COL25A1: variants seen among roughly 807,000 people sequenced by gnomAD.
COL25A1 encodes the protein collagen type XXV alpha 1 chain, also known as collagen alpha-1(XXV) chain.
A neutral mutation model predicts 128.4 loss-of-function variants in COL25A1; 103 were observed. That is an observed-to-expected ratio of 0.80 (90% confidence interval 0.68 to 0.94). COL25A1 has a LOEUF of 0.94. COL25A1 is among the 40% of genes least tolerant of loss of function. The pLI, the probability that COL25A1 is intolerant of heterozygous loss-of-function variation, is 0.00. For synonymous variants in COL25A1, 279 were observed against 277.2 expected (o/e 1.01, Z -0.06); for missense variants, 745 against 840.0 (o/e 0.89, Z 1.40).
intron 20 of COL25A1, among the ~76,000 whole-genome samples, chr4:108,865,564 G>T (rs1245591866): frequency 6.6e-6 from 1 of 152,160 alleles, no homozygotes; most frequent in Admixed American, 6.5e-5. Context: ...CCATTACCCT[G>T]TTGAGTGAGA....
chr4:109,273,892 TA>T (rs990334316), intron 3 of COL25A1, among the ~76,000 whole-genome samples: 1 of 151,928 alleles, frequency 6.6e-6, no homozygotes, highest in South Asian at 2.1e-4. Context: ...TTATAAACTG[TA>T]AAAAAAATGA....
Position 108,944,951 on chromosome 4 carries a change from T to C in COL25A1, c.493-3514A>G, listed in dbSNP as rs1748550342. ...AAGGAATTTTTCAGGAGTTTACGTG[T>C]AGCAAAGTAAAAAGGGGACATGTGG... On this transcript the variant is annotated intron_variant, in intron 8 of 37. Transcript: ENST00000399132. Among the ~76,000 whole-genome samples, 3 of 152,182 alleles carry C rather than the reference T, an allele frequency of 2.0e-5. No individual in the cohort carries two copies. The South Asian group carries it at 6.2e-4, about 32-fold the overall frequency.
chr4:109,108,199 G>C (rs1302949804), intron 3 of COL25A1, among the ~76,000 whole-genome samples: 2 of 152,020 alleles, frequency 1.3e-5, no homozygotes, highest in Non-Finnish European at 2.9e-5. Flanking sequence ...CCCCACAACA[G>C]GCCCCGGTGT....
chr4:109,250,912 G>A (rs966137885), intron 3 of COL25A1, among the ~76,000 whole-genome samples: 5 of 152,034 alleles, frequency 3.3e-5, no homozygotes, highest in Non-Finnish European at 7.4e-5. Context: ...ACAATAACAA[G>A]GTTATAACTC....
intron 3 of COL25A1, among the ~76,000 whole-genome samples, chr4:109,083,445 TA>T (rs149485871): frequency 8.9e-5 from 9 of 100,758 alleles, no homozygotes; most frequent in South Asian, 3.3e-4. Context: ...TTACACTAAA[TA>T]AATTTTTTTT....
chr4:108,989,167 A>T (rs912895130), intron 6 of COL25A1, among the ~76,000 whole-genome samples: 17 of 152,224 alleles, frequency 1.1e-4, no homozygotes, highest in African/African-American at 3.9e-4. Flanking sequence ...TGGATCAGTT[A>T]GAGGAGGCTT....
intron 6 of COL25A1, among the ~76,000 whole-genome samples, chr4:109,006,378 ATTTTTTTTTTTTTT>A (rs56845799): frequency 1.9e-4 from 10 of 51,840 alleles, no homozygotes; most frequent in Admixed American, 3.7e-4. Context: ...CACCCAGCTA[ATTTTTTTTTTTTTT>A]TTTTTTTTTT....
intron 3 of COL25A1, among the ~76,000 whole-genome samples, chr4:109,123,690 T>C (rs1263119059): frequency 6.6e-6 from 1 of 152,154 alleles, no homozygotes; most frequent in Non-Finnish European, 1.5e-5. Context: ...AATGCTGGAA[T>C]TGAAAAATGA....
chr4:109,220,390 G>A (rs902757256), intron 3 of COL25A1, among the ~76,000 whole-genome samples: 3 of 152,090 alleles, frequency 2.0e-5, no homozygotes, highest in Non-Finnish European at 4.4e-5. Context: ...ACTCTACATG[G>A]CAGAATTTTA....
chr4:109,253,004 T>C (rs1253976565), intron 3 of COL25A1, among the ~76,000 whole-genome samples: 1 of 152,192 alleles, frequency 6.6e-6, no homozygotes. Flanking sequence ...TTGGGGCTGC[T>C]TCTTCGTGTA....
intron 3 of COL25A1, among the ~76,000 whole-genome samples, chr4:109,065,538 G>A (rs1007653694): frequency 5.2e-5 from 7 of 133,440 alleles, no homozygotes; most frequent in South Asian, 2.3e-4. Context: ...CAGCACGCGC[G>A]CGCGCGCGTG....
At chr4:109,073,914 G>A (rs1190384846) in intron 3 of COL25A1, among the ~76,000 whole-genome samples, 1 of 152,120 alleles carries the variant, frequency 6.6e-6, no homozygotes, top group African/African-American at 2.4e-5. Context: ...CAAAAACAAT[G>A]TCCTTTTGCC....
chr4:109,146,556 T>G (rs529629530), intron 3 of COL25A1, among the ~76,000 whole-genome samples: 1 of 152,180 alleles, frequency 6.6e-6, no homozygotes, highest in Non-Finnish European at 1.5e-5. Context: ...TAATAAGGAG[T>G]AATTTGCCAA....
At chr4:109,011,488 G>C (rs931193044) in intron 5 of COL25A1, among the ~76,000 whole-genome samples, 2 of 152,182 alleles carry the variant, frequency 1.3e-5, no homozygotes, top group African/African-American at 4.8e-5. Flanking sequence ...CCCCACTCCT[G>C]TACTCTCCAG....
chr4:109,048,946 CT>C (rs1760721213), intron 4 of COL25A1, among the ~76,000 whole-genome samples: 1 of 151,994 alleles, frequency 6.6e-6, no homozygotes, highest in Non-Finnish European at 1.5e-5. Context: ...TATTAGAAAA[CT>C]TTGCACTTTG....
At chr4:108,855,997 T>C (rs1217606067) in intron 24 of COL25A1, among the ~76,000 whole-genome samples, 1 of 152,220 alleles carries the variant, frequency 6.6e-6, no homozygotes, top group Non-Finnish European at 1.5e-5. Flanking sequence ...GAGAAAGACA[T>C]GGCATTCTCT....
Position 108,925,689 on chromosome 4 carries a change from C to T in COL25A1, c.709-5085G>A, listed in dbSNP as rs549557988. 4.6e-5 allele frequency among the ~76,000 whole-genome samples: 7 copies of T among 152,212 alleles called. No homozygotes were observed. In the East Asian group the frequency reaches 7.7e-4, roughly 17 times the overall value. On this transcript the variant is annotated intron_variant, in intron 11 of 37. Coordinates refer to ENST00000399132, the MANE Select transcript of COL25A1 (RefSeq NM_198721.4). ...GTTTTTTTATTTTTTAAACTTTAGA[C>T]AATAGTGTCTCAACACAGAAATGGC...
chr4:109,063,327 A>G (rs1240246189), intron 3 of COL25A1, among the ~76,000 whole-genome samples: 1 of 151,780 alleles, frequency 6.6e-6, no homozygotes, highest in African/African-American at 2.4e-5. Context: ...ACATGATAAA[A>G]CCCCGTCTCT....
intron 26 of COL25A1, among the ~76,000 whole-genome samples, chr4:108,849,062 A>T (rs1241607672): frequency 6.6e-6 from 1 of 152,050 alleles, no homozygotes; most frequent in Admixed American, 6.6e-5. Flanking sequence ...ATGCAGGCTA[A>T]AAAAGAGTGG....
Sources: allele counts gnomAD v4.1 joint callset (sites outside exome capture counted in the v4.1 genomes callset), GRCh38; gene constraint gnomAD v4.1.1; transcripts MANE v1.5; gene names NCBI Gene and HGNC (gene_info 2026-07-23, HGNC 2026-07-21).